The following RBFOX1 variants were observed in gnomAD, a reference collection of about 807,000 sequenced individuals.
RBFOX1 encodes the protein RNA binding protein fox-1 homolog 1.
Under a neutral mutation model 57.7 loss-of-function variants are expected in RBFOX1, and 8 were observed. The ratio of observed to expected loss-of-function variants is 0.14; its 90% CI spans 0.08 to 0.25. The LOEUF (loss-of-function observed/expected upper bound fraction) is 0.25, where lower values mean the gene tolerates loss of function less well. RBFOX1 is among the 10% of genes least tolerant of loss of function. The pLI, the probability that RBFOX1 is intolerant of heterozygous loss-of-function variation, is 1.00. For synonymous variants in RBFOX1, 326 were observed against 222.4 expected, an observed-to-expected ratio of 1.47 and a Z score of -4.15; for missense variants, 611 against 548.5, an observed-to-expected ratio of 1.11 and a Z score of -1.14.
At chr16:7,057,583 G>C (rs1203864151) in intron 4 of RBFOX1, among the ~76,000 whole-genome samples, 1 of 152,184 alleles carries the variant, frequency 6.6e-6, no homozygotes, top group Non-Finnish European at 1.5e-5. Context: ...GGCTTAGTCT[G>C]GATCAGTTGT....
chr16:5,769,740 A>G (rs1178778053), intron 3 of RBFOX1, among the ~76,000 whole-genome samples: 1 of 152,182 alleles, frequency 6.6e-6, no homozygotes, highest in East Asian at 1.9e-4. Flanking sequence ...CTACAGTGAG[A>G]GGGTCCTGGA....
At chr16:5,957,623 G>A (rs1218823543) in intron 4 of RBFOX1, among the ~76,000 whole-genome samples, 1 of 152,170 alleles carries the variant, frequency 6.6e-6, no homozygotes, top group Non-Finnish European at 1.5e-5. Flanking sequence ...TCAATCACTT[G>A]CATGATGATG....
At chr16:6,049,954 A>G (rs1385713991) in intron 1 of RBFOX1, among the ~76,000 whole-genome samples, 2 of 138,912 alleles carry the variant, frequency 1.4e-5, no homozygotes, top group Non-Finnish European at 3.1e-5. Flanking sequence ...AAAGCTTAAA[A>G]CGTTTTTTTT....
At chr16:7,048,342 C>T (rs2048770221) in intron 3 of RBFOX1, among the ~76,000 whole-genome samples, 1 of 152,248 alleles carries the variant, frequency 6.6e-6, no homozygotes, top group African/African-American at 2.4e-5. Context: ...TCACTGCAAC[C>T]TCTGCCTCCC....
At chr16:6,985,006 C>T (rs2089919517) in intron 3 of RBFOX1, among the ~76,000 whole-genome samples, 2 of 150,274 alleles carry the variant, frequency 1.3e-5, no homozygotes, top group Admixed American at 1.3e-4. Flanking sequence ...CCTTGAAAAA[C>T]CCAGGGGGAA....
At chr16:6,759,181 C>T (rs555525885) in intron 3 of RBFOX1, among the ~76,000 whole-genome samples, 37 of 148,578 alleles carry the variant, frequency 2.5e-4, no homozygotes, top group African/African-American at 6.9e-4. Flanking sequence ...GACAGAGTCT[C>T]GCTCTGTTGC....
chr16:5,911,556 C>T (rs1158333042), intron 4 of RBFOX1, among the ~76,000 whole-genome samples: 1 of 152,186 alleles, frequency 6.6e-6, no homozygotes. Context: ...TGTTCGTGCA[C>T]CATGCACTAA....
At chr16:6,925,935 T>G (rs1351398929) in intron 3 of RBFOX1, among the ~76,000 whole-genome samples, 1 of 152,208 alleles carries the variant, frequency 6.6e-6, no homozygotes, top group East Asian at 1.9e-4. Flanking sequence ...AATTAATTTA[T>G]TTTAGTAACC....
At chr16:5,824,501 G>T (rs1010134380) in intron 3 of RBFOX1, among the ~76,000 whole-genome samples, 7 of 152,206 alleles carry the variant, frequency 4.6e-5, no homozygotes, top group African/African-American at 1.7e-4. Flanking sequence ...TTCATGCAGG[G>T]GGCTGCAGGG....
rs1009561792 is a variant in RBFOX1, at chr16:6,592,734, G to A, written c.-63-61869G>A. Among the ~76,000 whole-genome samples the A allele has an allele frequency of 2.6e-5, 4 of 151,468 alleles. No homozygotes were observed. The South Asian group carries it at 6.3e-4, about 24-fold the overall frequency. ...TGTGTGTACCCACCTGTGTGTAGAT[G>A]TGCACAGAGAGCTCCCCCTGGTAGA... On this transcript the variant is annotated intron_variant, in intron 2 of 15. Coordinates refer to ENST00000550418, the MANE Select transcript of RBFOX1 (RefSeq NM_018723.4).
In RBFOX1 at chr16:7,399,354, G is replaced by A. The variant is rs921377870; in HGVS notation, c.28-118793G>A. Among the ~76,000 whole-genome samples, 11 of 152,152 alleles carry A rather than the reference G, an allele frequency of 7.2e-5. No individual in the cohort carries two copies. The East Asian group carries it at 1.9e-3, about 27-fold the overall frequency. ...CGCAGCTACGTGGGAGGCTGAAGCA[G>A]GAGAATTGCTTTAACCTGGGAGGCA... is the stretch of plus-strand genomic sequence containing the variant. On this transcript the variant is annotated intron_variant, in intron 4 of 15. Transcript: ENST00000550418.
chr16:7,594,539 A>G (rs1177498222), intron 7 of RBFOX1, among the ~76,000 whole-genome samples: 2 of 152,216 alleles, frequency 1.3e-5, no homozygotes, highest in African/African-American at 4.8e-5. Flanking sequence ...ATGTCAGTGA[A>G]GACAAAATAC....
chr16:6,665,723 A>G (rs2098728391), intron 3 of RBFOX1, among the ~76,000 whole-genome samples: 1 of 152,008 alleles, frequency 6.6e-6, no homozygotes, highest in African/African-American at 2.4e-5. Context: ...AATAATAGCA[A>G]CTACCTTGCA....
intron 1 of RBFOX1, among the ~76,000 whole-genome samples, chr16:5,328,353 C>T (rs1035659438): frequency 1.3e-5 from 2 of 152,186 alleles, no homozygotes; most frequent in African/African-American, 2.4e-5. Flanking sequence ...AGCCAGGAGA[C>T]GCTCTGACCT....
At chr16:7,685,393 A>C (rs1399821161) in intron 14 of RBFOX1, among the ~76,000 whole-genome samples, 1 of 152,106 alleles carries the variant, frequency 6.6e-6, no homozygotes, top group East Asian at 1.9e-4. Context: ...CTTTACCCCA[A>C]AAGATCCGTG....
chr16:7,540,884 C>A (rs1437205646), intron 5 of RBFOX1, among the ~76,000 whole-genome samples: 5 of 152,140 alleles, frequency 3.3e-5, no homozygotes, highest in Admixed American at 2.6e-4. Context: ...CTCATGTGGC[C>A]AAGGCTGGAT....
intron 4 of RBFOX1, among the ~76,000 whole-genome samples, chr16:7,201,263 C>T (rs1030651564): frequency 3.3e-5 from 5 of 152,096 alleles, no homozygotes; most frequent in Admixed American, 2.0e-4. Flanking sequence ...GTGAGCAACA[C>T]AGCATAGCAG....
intron 4 of RBFOX1, among the ~76,000 whole-genome samples, chr16:7,101,855 C>G (rs2062752492): frequency 6.6e-6 from 1 of 152,030 alleles, no homozygotes; most frequent in Admixed American, 6.6e-5. Context: ...TGTCTGCATC[C>G]CAGGTCCAGG....
intron 4 of RBFOX1, among the ~76,000 whole-genome samples, chr16:7,251,134 G>C (rs1252512863): frequency 6.6e-6 from 1 of 152,008 alleles, no homozygotes; most frequent in African/African-American, 2.4e-5. Context: ...CTGAAATTTT[G>C]TATCCATTCA....
Sources: allele counts gnomAD v4.1 joint callset (sites outside exome capture counted in the v4.1 genomes callset), GRCh38; gene constraint gnomAD v4.1.1; transcripts MANE v1.5; gene names NCBI Gene and HGNC (gene_info 2026-07-23, HGNC 2026-07-21).